CTTNBP2: variants seen among roughly 807,000 people sequenced by gnomAD.
CTTNBP2 encodes cortactin-binding protein 2.
A neutral mutation model predicts 156.9 loss-of-function variants in CTTNBP2; 108 were observed. That is an observed-to-expected ratio of 0.69 (90% CI 0.59 to 0.81). The LOEUF is 0.81. CTTNBP2 is among the 30% of genes least tolerant of loss of function. The pLI, the probability that CTTNBP2 is intolerant of heterozygous loss-of-function variation, is 0.00. For synonymous variants in CTTNBP2, 767 were observed against 751.8 expected, an observed-to-expected ratio of 1.02 and a Z score of -0.33; for missense variants, 1,924 against 2,035.4, an observed-to-expected ratio of 0.95 and a Z score of 1.05.
intron 17 of CTTNBP2, among the ~76,000 whole-genome samples, chr7:117,726,231 G>T (rs1470608554): frequency 6.6e-6 from 1 of 152,148 alleles, no homozygotes; most frequent in Non-Finnish European, 1.5e-5. Context: ...ATGATTAAAG[G>T]CTATAGAAAC....
chr7:117,810,386 G>C (rs1256213310), intron 3 of CTTNBP2, among the ~76,000 whole-genome samples: 1 of 152,200 alleles, frequency 6.6e-6, no homozygotes, highest in Non-Finnish European at 1.5e-5. Flanking sequence ...GATACAGTAA[G>C]TTGGGATGTT....
intron 3 of CTTNBP2, among the ~76,000 whole-genome samples, chr7:117,808,160 T>G (rs1361266603): frequency 1.3e-5 from 2 of 152,202 alleles, no homozygotes; most frequent in Non-Finnish European, 2.9e-5. Flanking sequence ...TTAAAAGGTC[T>G]TTCCTTCTTC....
intron 8 of CTTNBP2, among the ~76,000 whole-genome samples, chr7:117,768,581 A>AAAAAAAAAGAAAGAAAG (rs1554419704): frequency 1.0e-5 from 1 of 99,114 alleles, no homozygotes; most frequent in African/African-American, 4.8e-5. Context: ...AAAAAAAAAA[A>AAAAAAAAAGAAAGAAAG]AAAGAAAGAA....
chr7:117,870,901 A>G (rs1316972077), intron 1 of CTTNBP2, among the ~76,000 whole-genome samples: 3 of 152,216 alleles, frequency 2.0e-5, no homozygotes, highest in East Asian at 1.9e-4. Flanking sequence ...AGGATCACAA[A>G]CTAAATTTAA....
In CTTNBP2 at chr7:117,735,027, G is replaced by A. The variant is rs761917492; in HGVS notation, c.3762C>T (p.Leu1254=). The A allele has an allele frequency of 2.5e-6, 4 of 1,614,220 alleles. No individual in the cohort carries two copies. The highest frequency in any genetic ancestry group is 3.4e-6 in the Non-Finnish European group (4 of 1,180,024). ...FLMGTIAKAC[L]QGSDLLVQQH... ...GCTGCACCAGCAAGTCGGAGCCCTG[G>A]AGACAGGCCTTGGCGATGGTTCCCA... Residue 1254 remains leucine, a synonymous_variant, in exon 16 of 23, where the codon CTC becomes CTT. Coordinates refer to ENST00000160373, the MANE Select transcript of CTTNBP2 (RefSeq NM_033427.3).
At chr7:117,836,583 A>G (rs1451694550) in intron 2 of CTTNBP2, among the ~76,000 whole-genome samples, 1 of 152,130 alleles carries the variant, frequency 6.6e-6, no homozygotes, top group Admixed American at 6.5e-5. Flanking sequence ...AACAAAACTG[A>G]AGAGAGTGGT....
At chr7:117,811,733 C>T (rs544695371) in intron 2 of CTTNBP2, among the ~76,000 whole-genome samples, 165 of 151,352 alleles carry the variant, frequency 1.1e-3, no homozygotes, top group African/African-American at 3.2e-3. Context: ...ACAAAAAATC[C>T]CCTATAGGTT....
intron 17 of CTTNBP2, among the ~76,000 whole-genome samples, chr7:117,725,718 C>T (rs1052619047): frequency 2.0e-5 from 3 of 151,808 alleles, no homozygotes; most frequent in African/African-American, 7.3e-5. Flanking sequence ...GAGACAGTCT[C>T]GCTCTGTCAC....
At chr7:117,857,014 C>T (rs889996214) in intron 2 of CTTNBP2, among the ~76,000 whole-genome samples, 1 of 152,108 alleles carries the variant, frequency 6.6e-6, no homozygotes, top group East Asian at 1.9e-4. Flanking sequence ...TTTTGAATAG[C>T]CAATTAAATT....
chr7:117,732,259 T>C (rs1423702785), intron 16 of CTTNBP2, among the ~76,000 whole-genome samples: 6 of 152,174 alleles, frequency 3.9e-5, no homozygotes, highest in Non-Finnish European at 7.3e-5. Context: ...TAATTCTTTT[T>C]AGAATTATAT....
chr7:117,811,006 GA>G lies in CTTNBP2; in HGVS notation c.190-18del. ...CCTGCGAGCCTGGAACAAAATTAGA[GA>G]AATGTATTGAAGAAAGAAATGAAAA... is the stretch of plus-strand genomic sequence containing the variant. On this transcript the variant is annotated intron_variant, in intron 2 of 22. Transcript: ENST00000160373. 1 of 1,540,226 alleles carries G rather than the reference GA, an allele frequency of 6.5e-7. No individual in the cohort carries two copies. The highest frequency in any genetic ancestry group is 9.0e-7 in the Non-Finnish European group (1 of 1,115,204).
At chr7:117,762,621 G>A (rs139277581) in intron 9 of CTTNBP2, among the ~76,000 whole-genome samples, 5 of 152,274 alleles carry the variant, frequency 3.3e-5, no homozygotes, top group Admixed American at 6.5e-5. Context: ...AGCTGTTCCT[G>A]ATTTATCTGT....
intron 3 of CTTNBP2, among the ~76,000 whole-genome samples, chr7:117,793,807 T>A (rs1585016193): frequency 6.6e-6 from 1 of 152,226 alleles, no homozygotes; most frequent in Non-Finnish European, 1.5e-5. Context: ...TTTCAAAGCC[T>A]TTCTTTCTCC....
In CTTNBP2 at chr7:117,783,028, A is replaced by C. The variant is rs1798516456; in HGVS notation, c.2273-67T>G. 18 of 1,137,158 alleles carry C rather than the reference A, an allele frequency of 1.6e-5. 2 individuals carry two copies. The South Asian group carries it at 2.2e-4, about 14-fold the overall frequency. 70.4% of individuals were successfully genotyped at this position (1,137,158 alleles called of 1,614,324 possible). On this transcript the variant is annotated intron_variant, in intron 5 of 22. Transcript: ENST00000160373. Reference sequence around the variant, plus strand: ...AGTTATGATGTGCCAAATTCTATACAAGCTGTAGATAGATTCTAATCCCAA... The same window carrying C: ...AGTTATGATGTGCCAAATTCTATACCAGCTGTAGATAGATTCTAATCCCAA...
intron 10 of CTTNBP2, 21 bp downstream of exon 10, chr7:117,760,414 C>T (rs2116648707): frequency 6.3e-7 from 1 of 1,599,160 alleles, no homozygotes; most frequent in Non-Finnish European, 8.6e-7. Context: ...CACTTTCTCT[C>T]CGTCATAGGA....
intron 2 of CTTNBP2, among the ~76,000 whole-genome samples, chr7:117,830,320 T>C (rs1156801443): frequency 6.6e-6 from 1 of 152,180 alleles, no homozygotes; most frequent in Non-Finnish European, 1.5e-5. Context: ...TTCACTATAA[T>C]TCTGTTGAGC....
At chr7:117,849,430 A>G (rs1241282634) in intron 2 of CTTNBP2, among the ~76,000 whole-genome samples, 1 of 152,206 alleles carries the variant, frequency 6.6e-6, no homozygotes, top group Non-Finnish European at 1.5e-5. Context: ...TGCTGCAGGT[A>G]TGGAAACCAC....
chr7:117,871,871 CA>C, intron 1 of CTTNBP2: 7 of 923,572 alleles, frequency 7.6e-6, no homozygotes, highest in Non-Finnish European at 9.0e-6. Context: ...CACACACACA[CA>C]CACCCTCTTT....
chr7:117,710,702 G>A lies in CTTNBP2; in HGVS notation c.*835C>T, dbSNP rs185980516. On this transcript the variant is annotated 3_prime_UTR_variant, in exon 23 of 23. Transcript: ENST00000160373. ...TGTCAAAGCATCTTAACTGAATTGT[G>A]TAAGTAATTTTGTCTGTAATTTTAG... 2 of 152,400 alleles carry A rather than the reference G, an allele frequency of 1.3e-5. 1 individual carries two copies. The highest frequency in any genetic ancestry group is 1.3e-4 in the Admixed American group (2 of 15,288). The allele number at this position is 152,400 out of a possible 1,614,324, so 9.4% of individuals were successfully genotyped here.
Sources: gnomAD v4.1 joint callset for allele counts (sites outside exome capture counted in the v4.1 genomes callset) on GRCh38, gnomAD v4.1.1 for gene constraint, MANE v1.5 for transcripts, NCBI Gene and HGNC (gene_info 2026-07-23, HGNC 2026-07-21) for gene names.